Variants in TMIGD3 observed in about 807,000 individuals in gnomAD.
The protein encoded by TMIGD3 is AD026 protein (AD026).
Under a neutral mutation model 28.1 loss-of-function variants are expected in TMIGD3, and 21 were observed. The ratio of observed to expected loss-of-function variants is 0.75; its 90% CI spans 0.53 to 1.08. The LOEUF is 1.08. TMIGD3 is among the 50% of genes least tolerant of loss of function. The pLI, the probability that TMIGD3 is intolerant of heterozygous loss-of-function variation, is 0.00. For missense variants in TMIGD3, 416 were observed against 435.6 expected, an observed-to-expected ratio of 0.96 and a Z score of 0.40; for synonymous variants, 151 against 162.1, an observed-to-expected ratio of 0.93 and a Z score of 0.52.
At chr1:111,519,759 C>T (rs1297586495) in intron 1 of TMIGD3, among the ~76,000 whole-genome samples, 1 of 150,048 alleles carries the variant, frequency 6.7e-6, no homozygotes, top group Non-Finnish European at 1.5e-5. Context: ...GTGGCATGAT[C>T]TCGGCTCACT....
intron 1 of TMIGD3, among the ~76,000 whole-genome samples, chr1:111,562,993 A>G (rs1657801934): frequency 6.6e-6 from 1 of 152,256 alleles, no homozygotes; most frequent in African/African-American, 2.4e-5. Flanking sequence ...AAATTCTCAC[A>G]ACAGCCTTTT....
intron 2 of TMIGD3, chr1:111,489,619 C>A: frequency 8.8e-7 from 1 of 1,137,178 alleles, no homozygotes; most frequent in Non-Finnish European, 1.1e-6. Context: ...AATATGGAGG[C>A]CTCCTACCAT....
intron 1 of TMIGD3, among the ~76,000 whole-genome samples, chr1:111,551,135 A>G (rs747223967): frequency 2.2e-4 from 34 of 152,220 alleles, no homozygotes; most frequent in Non-Finnish European, 4.3e-4. Flanking sequence ...CTTTAAATCT[A>G]AAGGGAGACT....
chr1:111,555,928 A>T (rs1657470997), intron 1 of TMIGD3, among the ~76,000 whole-genome samples: 1 of 152,214 alleles, frequency 6.6e-6, no homozygotes, highest in Non-Finnish European at 1.5e-5. Context: ...CTACATCAAA[A>T]TTTAAAACAT....
At chr1:111,493,025 T>A (rs1438564228) in intron 1 of TMIGD3, among the ~76,000 whole-genome samples, 1 of 151,918 alleles carries the variant, frequency 6.6e-6, no homozygotes, top group African/African-American at 2.4e-5. Flanking sequence ...AAATAGAAAA[T>A]GAAAAGTTTG....
intron 1 of TMIGD3, among the ~76,000 whole-genome samples, chr1:111,511,674 T>TACACACACACACACAC (rs72064023): frequency 0.02 from 3,013 of 148,898 alleles, 44 homozygotes; most frequent in African/African-American, 0.033. Context: ...TGGTGCCCTT[T>TACACACACACACACAC]ACACACACAC....
chr1:111,536,936 A>G (rs77284279), intron 1 of TMIGD3, among the ~76,000 whole-genome samples: 1,569 of 152,280 alleles, frequency 0.01, 11 homozygotes, highest in Middle Eastern at 0.027. Context: ...TGTCTGGCCA[A>G]TCTTCCTTCA....
intron 1 of TMIGD3, among the ~76,000 whole-genome samples, chr1:111,555,263 G>C (rs1657437036): frequency 6.8e-6 from 1 of 147,786 alleles, no homozygotes; most frequent in South Asian, 2.1e-4. Flanking sequence ...CTATTCAGGA[G>C]ACTGAGGCAC....
At chr1:111,544,575 T>C (rs980589337) in intron 1 of TMIGD3, among the ~76,000 whole-genome samples, 3 of 152,226 alleles carry the variant, frequency 2.0e-5, no homozygotes, top group African/African-American at 7.2e-5. Flanking sequence ...CGTTCCATTA[T>C]ATACCACATT....
At chr1:111,488,337 G>A (rs900799890) in intron 3 of TMIGD3, among the ~76,000 whole-genome samples, 3 of 151,942 alleles carry the variant, frequency 2.0e-5, no homozygotes. Context: ...TTCTCACACA[G>A]ACATTTAATA....
At chr1:111,525,463 T>C (rs1399734733) in intron 1 of TMIGD3, among the ~76,000 whole-genome samples, 1 of 152,230 alleles carries the variant, frequency 6.6e-6, no homozygotes, top group Non-Finnish European at 1.5e-5. Flanking sequence ...GAAATCTACT[T>C]TGTTTGATAT....
intron 1 of TMIGD3, among the ~76,000 whole-genome samples, chr1:111,548,392 T>C (rs1412724981): frequency 6.6e-6 from 1 of 152,238 alleles, no homozygotes; most frequent in Non-Finnish European, 1.5e-5. Context: ...CTGGTAAAAC[T>C]ATATGTCATC....
chr1:111,543,727 A>C (rs1468571977), intron 1 of TMIGD3, among the ~76,000 whole-genome samples: 1 of 151,884 alleles, frequency 6.6e-6, no homozygotes, highest in East Asian at 1.9e-4. Flanking sequence ...GAGAAAGAGG[A>C]GGAGGAAGAG....
intron 1 of TMIGD3, among the ~76,000 whole-genome samples, chr1:111,522,432 T>C (rs151057873): frequency 2.4e-4 from 37 of 152,356 alleles, no homozygotes; most frequent in African/African-American, 7.7e-4. Flanking sequence ...TGTCGTTCTT[T>C]AATTTCTCTC....
chr1:111,518,666 C>A (rs4839141), intron 1 of TMIGD3, among the ~76,000 whole-genome samples: 39,556 of 152,096 alleles, frequency 0.26, 6,176 homozygotes, highest in Non-Finnish European at 0.35. Flanking sequence ...TTGCCTAACA[C>A]CAAGGTCCAA....
chr1:111,496,372 C>T (rs1328142918), intron 1 of TMIGD3, among the ~76,000 whole-genome samples: 1 of 152,154 alleles, frequency 6.6e-6, no homozygotes, highest in Non-Finnish European at 1.5e-5. Flanking sequence ...AATCAAGGCA[C>T]ACCTAAAGCC....
intron 1 of TMIGD3, chr1:111,500,272 A>G (rs775914405): frequency 6.2e-7 from 1 of 1,614,226 alleles, no homozygotes; most frequent in South Asian, 1.1e-5. Context: ...GGAGTTAGAT[A>G]AGTTCAGACT....
At chr1:111,505,853 C>T (rs573181444), upstream of TMIGD3, among the ~76,000 whole-genome samples, 3 of 152,298 alleles carry the variant, frequency 2.0e-5, no homozygotes, top group African/African-American at 7.2e-5. Context: ...AGGATCAAGT[C>T]CAGACTCCTT....
chr1:111,483,707 C>T lies in TMIGD3; in HGVS notation c.1024G>A (p.Ala342Thr), dbSNP rs757179195. ...FSRVLTPKEM[A>T]PTEQM The stretch of plus-strand genomic sequence containing the variant: ...TTCAGTCACATCTGTTCAGTAGGAG[C>T]CATTTCCTTTGGAGTCAGGACACGC... Residue 342 changes from alanine to threonine, a missense_variant, in exon 6 of 6, where the codon GCT (alanine) becomes ACT (threonine). Physicochemically the swap from Ala to Thr is moderately conservative, Grantham distance 58. Coordinates refer to ENST00000369716, the MANE Select transcript of TMIGD3 (RefSeq NM_020683.7). The T allele has an allele frequency of 6.2e-7, 1 of 1,613,846 alleles. No homozygotes were observed. The highest frequency in any genetic ancestry group is 8.5e-7 in the Non-Finnish European group (1 of 1,179,808).
Sources: allele counts gnomAD v4.1 joint callset (sites outside exome capture counted in the v4.1 genomes callset), GRCh38; gene constraint gnomAD v4.1.1; transcripts MANE v1.5; gene names NCBI Gene and HGNC (gene_info 2026-07-23, HGNC 2026-07-21).